OLFM3: variants seen among roughly 807,000 people sequenced by gnomAD.
The protein encoded by OLFM3 is noelin-3.
A neutral mutation model predicts 48.6 loss-of-function variants in OLFM3; 20 were observed. That is an observed-to-expected ratio of 0.41 (90% CI 0.29 to 0.60). OLFM3 has a LOEUF of 0.60. Ranked by LOEUF, OLFM3 falls within the 20% of genes least tolerant of loss-of-function variation. OLFM3 has a pLI of 0.28. For synonymous variants in OLFM3, 222 were observed against 198.1 expected, an observed-to-expected ratio of 1.12 and a Z score of -1.01; for missense variants, 437 against 544.3, an observed-to-expected ratio of 0.80 and a Z score of 1.96.
intron 1 of OLFM3, among the ~76,000 whole-genome samples, chr1:101,857,397 T>C (rs777786332): frequency 2.6e-5 from 4 of 151,976 alleles, no homozygotes; most frequent in Non-Finnish European, 5.9e-5. Context: ...TAATTTGGAT[T>C]ATAAATTTAC....
At chr1:101,946,545 T>G (rs1037344747) in intron 1 of OLFM3, among the ~76,000 whole-genome samples, 1 of 152,186 alleles carries the variant, frequency 6.6e-6, no homozygotes, top group Non-Finnish European at 1.5e-5. Flanking sequence ...TAATTTGAAA[T>G]GAAAAGTCAA....
intron 1 of OLFM3, among the ~76,000 whole-genome samples, chr1:101,906,752 T>A (rs1196044420): frequency 6.6e-6 from 1 of 152,142 alleles, no homozygotes; most frequent in Non-Finnish European, 1.5e-5. Context: ...ACTACAATCA[T>A]TTGGAAATCT....
At position 101,877,201 on chromosome 1, in the gene OLFM3, T is replaced by G. The variant is rs560467151; in HGVS notation, c.70-40176A>C. ...CTAATTTGCTGATCATTTGAAGAAG[T>G]CTGGATTCGCAAGTTGAAACTTTTA... On this transcript the variant is annotated intron_variant, in intron 1 of 5. Coordinates refer to ENST00000370103, the MANE Select transcript of OLFM3 (RefSeq NM_058170.4). Among the ~76,000 whole-genome samples, 185 of 152,090 alleles carry G rather than the reference T, an allele frequency of 1.2e-3. 1 individual carries two copies. The highest frequency in any genetic ancestry group is 4.1e-3 in the African/African-American group (170 of 41,544).
intron 4 of OLFM3, among the ~76,000 whole-genome samples, chr1:101,815,003 G>T (rs1167006729): frequency 6.6e-6 from 1 of 152,130 alleles, no homozygotes; most frequent in Non-Finnish European, 1.5e-5. Flanking sequence ...TAGTCCAGTA[G>T]TCCACATTGT....
chr1:101,940,484 A>T (rs924573418), intron 1 of OLFM3, among the ~76,000 whole-genome samples: 1 of 150,908 alleles, frequency 6.6e-6, no homozygotes, highest in African/African-American at 2.4e-5. Flanking sequence ...CTAATCTATT[A>T]TCTATCTTTC....
intron 1 of OLFM3, among the ~76,000 whole-genome samples, chr1:101,889,822 C>A (rs1470540346): frequency 6.6e-6 from 1 of 151,716 alleles, no homozygotes; most frequent in Non-Finnish European, 1.5e-5. Context: ...CATATATTTG[C>A]CATATTTAAA....
At chr1:101,822,963 T>C (rs564957332) in intron 4 of OLFM3, among the ~76,000 whole-genome samples, 96 of 152,132 alleles carry the variant, frequency 6.3e-4, no homozygotes, top group African/African-American at 2.2e-3. Flanking sequence ...TTGACTCAAA[T>C]AGGATGTGGC....
At chr1:101,881,888 A>G (rs1433764888) in intron 1 of OLFM3, among the ~76,000 whole-genome samples, 1 of 151,598 alleles carries the variant, frequency 6.6e-6, no homozygotes, top group African/African-American at 2.4e-5. Context: ...CCTCAACCAC[A>G]GTCTTCTTTT....
intron 1 of OLFM3, among the ~76,000 whole-genome samples, chr1:101,873,591 TG>T (rs896416179): frequency 3.0e-4 from 45 of 151,982 alleles, no homozygotes; most frequent in African/African-American, 1.0e-3. Context: ...AACTTTTTCA[TG>T]GTTATGAGTA....
chr1:101,884,153 CCT>C (rs893962924), intron 1 of OLFM3, among the ~76,000 whole-genome samples: 1 of 151,894 alleles, frequency 6.6e-6, no homozygotes, highest in Admixed American at 6.6e-5. Context: ...CTCCCAACAT[CCT>C]CTCTATTTTC....
At chr1:101,966,157 C>G (rs1660601474) in intron 1 of OLFM3, among the ~76,000 whole-genome samples, 1 of 151,854 alleles carries the variant, frequency 6.6e-6, no homozygotes, top group Non-Finnish European at 1.5e-5. Flanking sequence ...TTTTATTTTT[C>G]TTTTTTATTT....
intron 4 of OLFM3, chr1:101,812,448 A>T: frequency 1.0e-6 from 1 of 985,394 alleles, no homozygotes; most frequent in Non-Finnish European, 1.2e-6. Flanking sequence ...ACAAAGCAAG[A>T]AGACACAATT....
intron 1 of OLFM3, among the ~76,000 whole-genome samples, chr1:101,971,171 G>A (rs11164352): frequency 0.25 from 37,732 of 152,062 alleles, 5,258 homozygotes; most frequent in Middle Eastern, 0.36. Flanking sequence ...AGAGAGAAGT[G>A]GGCATCAATT....
intron 1 of OLFM3, among the ~76,000 whole-genome samples, chr1:101,896,732 C>A (rs543395429): frequency 7.5e-5 from 11 of 146,226 alleles, no homozygotes; most frequent in Non-Finnish European, 1.5e-4. Flanking sequence ...GATCTCCTGA[C>A]CTTGTGATCC....
chr1:101,812,679 A>C, intron 4 of OLFM3: 2 of 985,780 alleles, frequency 2.0e-6, no homozygotes, highest in Non-Finnish European at 2.4e-6. Flanking sequence ...TCTCTATGGC[A>C]AAGGGATACT....
At chr1:101,820,101 T>C (rs1654538216) in intron 4 of OLFM3, among the ~76,000 whole-genome samples, 1 of 152,114 alleles carries the variant, frequency 6.6e-6, no homozygotes, top group Non-Finnish European at 1.5e-5. Flanking sequence ...CAATAAATAA[T>C]TGTTAAATTA....
chr1:101,840,420 A>G (rs10443187), intron 1 of OLFM3, among the ~76,000 whole-genome samples: 47,249 of 151,528 alleles, frequency 0.31, 7,764 homozygotes, highest in Admixed American at 0.43. Flanking sequence ...ATTTGTGTAA[A>G]TCTGCCTTTT....
chr1:101,847,802 G>T (rs1656071145), intron 1 of OLFM3, among the ~76,000 whole-genome samples: 1 of 152,260 alleles, frequency 6.6e-6, no homozygotes, highest in South Asian at 2.1e-4. Context: ...AGGAATGACG[G>T]ACTGATATGG....
At chr1:101,979,931 G>A (rs184923657) in intron 1 of OLFM3, among the ~76,000 whole-genome samples, 5 of 151,092 alleles carry the variant, frequency 3.3e-5, no homozygotes, top group African/African-American at 9.7e-5. Context: ...GGCCATGGGA[G>A]CCCATCTTTT....
Sources: gnomAD v4.1 joint callset for allele counts (sites outside exome capture counted in the v4.1 genomes callset) on GRCh38, gnomAD v4.1.1 for gene constraint, MANE v1.5 for transcripts, NCBI Gene and HGNC (gene_info 2026-07-23, HGNC 2026-07-21) for gene names.